Variants in GREM1 observed in about 807,000 individuals in gnomAD.
GREM1 encodes gremlin 1, DAN family BMP antagonist.
Under a neutral mutation model 13.1 loss-of-function variants are expected in GREM1, and 6 were observed. That is an observed-to-expected ratio of 0.46 (90% CI 0.25 to 0.91). GREM1 has a LOEUF of 0.91. Ranked by LOEUF, GREM1 falls within the 40% of genes least tolerant of loss-of-function variation. GREM1 has a pLI of 0.18. For missense variants in GREM1, 185 were observed against 233.9 expected, an observed-to-expected ratio of 0.79 and a Z score of 1.36; for synonymous variants, 98 against 93.7, an observed-to-expected ratio of 1.05 and a Z score of -0.27.
chr15:32,727,676 A>G (rs548827476), intron 1 of GREM1, among the ~76,000 whole-genome samples: 15 of 152,316 alleles, frequency 9.8e-5, no homozygotes, highest in African/African-American at 3.6e-4. Flanking sequence ...AAGGGTATTC[A>G]AATAGGAAGA....
In GREM1 at chr15:32,731,323, C is replaced by G; in HGVS notation, c.*78C>G. ...CAGACCTAAAACAACCAGATTCTTA[C>G]TTGGCTTAAACCTAGAGGCCAGAAG... On this transcript the variant is annotated 3_prime_UTR_variant, in exon 2 of 2. Transcript: ENST00000651154. 8.2e-7 allele frequency: 1 copy of G among 1,214,528 alleles called. No individual in the cohort carries two copies. Among genetic ancestry groups the G allele is most frequent in the Non-Finnish European group, 1.2e-6 (1 of 850,414 alleles). 75.2% of individuals were successfully genotyped at this position (1,214,528 alleles called of 1,614,324 possible). A position where few individuals can be genotyped will look rare whatever the true frequency, so the allele number is the denominator to read the frequency against.
At position 32,738,113 on chromosome 15, in the gene GREM1, A is replaced by G. The variant is rs1303683392; in HGVS notation, c.*6868A>G. 3.1e-5 allele frequency: 4 copies of G among 127,848 alleles called. 1 individual carries two copies. The highest frequency in any genetic ancestry group is 6.5e-5 in the Non-Finnish European group (4 of 61,838). The allele number at this position is 127,848 out of a possible 1,614,324, so 7.9% of individuals were successfully genotyped here. A position where few individuals can be genotyped will look rare whatever the true frequency, so the allele number is the denominator to read the frequency against. On this transcript the variant is annotated 3_prime_UTR_variant, in exon 2 of 2. Transcript: ENST00000651154. ...AAAAAAAAAAAAAAAAAAAAAAAAA[A>G]AAAAAAAAAAAAAAAAAAAAGAAAA... is the stretch of plus-strand genomic sequence containing the variant.
intron 1 of GREM1, among the ~76,000 whole-genome samples, chr15:32,726,017 C>A (rs1315526055): frequency 6.6e-6 from 1 of 152,138 alleles, no homozygotes; most frequent in Non-Finnish European, 1.5e-5. Context: ...GATACCAGTA[C>A]CGTGCTGTTT....
chr15:32,737,742 C>A lies in GREM1; in HGVS notation c.*6497C>A, dbSNP rs915268772. 3 of 151,766 alleles carry A rather than the reference C, an allele frequency of 2.0e-5. No individual in the cohort carries two copies. The highest frequency in any genetic ancestry group is 2.0e-4 in the Admixed American group (3 of 15,248). 9.4% of individuals were successfully genotyped at this position (151,766 alleles called of 1,614,324 possible). A position where few individuals can be genotyped will look rare whatever the true frequency, so the allele number is the denominator to read the frequency against. On this transcript the variant is annotated 3_prime_UTR_variant, in exon 2 of 2. Coordinates refer to ENST00000651154, the MANE Select transcript of GREM1 (RefSeq NM_013372.7). ...AGGAGTTCGAGACCAACCTGACCAA[C>A]ATGGAGAAACCCTGTATCTACTAAA...
chr15:32,719,732 C>G (rs2140665591), intron 1 of GREM1, among the ~76,000 whole-genome samples: 1 of 152,204 alleles, frequency 6.6e-6, no homozygotes, highest in African/African-American at 2.4e-5. Context: ...CCCAGGGACC[C>G]CAGAGTAGTG....
At position 32,741,494 on chromosome 15, in the gene GREM1, A is replaced by G. The variant is rs541400910; in HGVS notation, c.*10249A>G. On this transcript the variant is annotated 3_prime_UTR_variant, in exon 2 of 2. Coordinates refer to ENST00000651154, the MANE Select transcript of GREM1 (RefSeq NM_013372.7). ...GTTTAAGATAGTTCATCGTTGGTAT[A>G]GAAATGCCATTGATTTTTGTATGTT... 3 of 151,858 alleles carry G rather than the reference A, an allele frequency of 2.0e-5. No individual in the cohort carries two copies. Among genetic ancestry groups the G allele is most frequent in the Non-Finnish European group, 4.4e-5 (3 of 67,988 alleles). The allele number at this position is 151,858 out of a possible 1,614,324, so 9.4% of individuals were successfully genotyped here.
chr15:32,722,714 G>C (rs1595845289), intron 1 of GREM1, among the ~76,000 whole-genome samples: 1 of 152,198 alleles, frequency 6.6e-6, no homozygotes, highest in South Asian at 2.1e-4. Context: ...AAAGCATGCT[G>C]TAGAGAGGAC....
At position 32,737,943 on chromosome 15, in the gene GREM1, A is replaced by AAAAAG. The variant is rs1478518363; in HGVS notation, c.*6700_*6701insAAGAA. On this transcript the variant is annotated 3_prime_UTR_variant, in exon 2 of 2. Transcript: ENST00000651154. Reference sequence around the variant, plus strand: ...AACTCTGTCTCAAAAAAAAAAAAAAAAAGAAAAGAAAAACCCACAGCTAAC... The same window carrying AAAAAG: ...AACTCTGTCTCAAAAAAAAAAAAAAAAAAAGAAGAAAAGAAAAACCCACAGCTAAC... 7.0e-6 allele frequency: 1 copy of AAAAAG among 142,412 alleles called. No homozygotes were observed. Among genetic ancestry groups the AAAAAG allele is most frequent in the East Asian group, 3.1e-4 (1 of 3,250 alleles). The allele number at this position is 142,412 out of a possible 1,614,324, so 8.8% of individuals were successfully genotyped here. A position where few individuals can be genotyped will look rare whatever the true frequency, so the allele number is the denominator to read the frequency against.
chr15:32,744,006 GC>G lies in GREM1; in HGVS notation c.*12763del. ...GGATTGACAGCCATGACAGCACAGT[GC>G]CTTTCATGACTTACTCTCCAAAGTT... On this transcript the variant is annotated 3_prime_UTR_variant, in exon 2 of 2. Coordinates refer to ENST00000651154, the MANE Select transcript of GREM1 (RefSeq NM_013372.7). The G allele has an allele frequency of 6.6e-6, 1 of 152,206 alleles. No individual in the cohort carries two copies. The highest frequency in any genetic ancestry group is 2.1e-4 in the South Asian group (1 of 4,818). The allele number at this position is 152,206 out of a possible 1,614,324, so 9.4% of individuals were successfully genotyped here. A position where few individuals can be genotyped will look rare whatever the true frequency, so the allele number is the denominator to read the frequency against.
chr15:32,725,426 A>T (rs988742301), intron 1 of GREM1, among the ~76,000 whole-genome samples: 2 of 152,152 alleles, frequency 1.3e-5, no homozygotes, highest in African/African-American at 4.8e-5. Flanking sequence ...TGGCCCCATA[A>T]ATGTCTTCTT....
intron 1 of GREM1, among the ~76,000 whole-genome samples, chr15:32,729,872 G>A (rs1373198536): frequency 6.6e-6 from 1 of 152,140 alleles, no homozygotes; most frequent in Non-Finnish European, 1.5e-5. Context: ...TTGAGTATCT[G>A]TGCCCAGTTT....
rs1193472452 is a variant in GREM1, at chr15:32,740,538, A to ATT, written c.*9294_*9295dup. The stretch of plus-strand genomic sequence containing the variant: ...ACTTGAAGACAGGTCATTGGAAATA[A>ATT]TTCAGTTAGAGGAGAAATTAAAATG... On this transcript the variant is annotated 3_prime_UTR_variant, in exon 2 of 2. Transcript: ENST00000651154. The ATT allele has an allele frequency of 6.6e-6, 1 of 152,204 alleles. No individual in the cohort carries two copies. The highest frequency in any genetic ancestry group is 2.4e-5 in the African/African-American group (1 of 41,450). The allele number at this position is 152,204 out of a possible 1,614,324, so 9.4% of individuals were successfully genotyped here.
Position 32,741,748 on chromosome 15 carries a change from C to T in GREM1, c.*10503C>T, listed in dbSNP as rs571002616. The T allele has an allele frequency of 8.5e-5, 13 of 152,220 alleles. No homozygotes were observed. In the South Asian group the frequency reaches 2.7e-3, roughly 32 times the overall value. The allele number at this position is 152,220 out of a possible 1,614,324, so 9.4% of individuals were successfully genotyped here. A position where few individuals can be genotyped will look rare whatever the true frequency, so the allele number is the denominator to read the frequency against. On this transcript the variant is annotated 3_prime_UTR_variant, in exon 2 of 2. Coordinates refer to ENST00000651154, the MANE Select transcript of GREM1 (RefSeq NM_013372.7). ...GAGAGTGGGCATGTATGCCTTGTTT[C>T]TGGTCTTAAAGAAAAACATTTCAGT...
Position 32,722,226 on chromosome 15 carries a change from A to G in GREM1, c.-2+4065A>G, listed in dbSNP as rs182830750. On this transcript the variant is annotated intron_variant, in intron 1 of 1. Transcript: ENST00000651154. The stretch of plus-strand genomic sequence containing the variant: ...GTTTTCCCAAAGATTTAGACCTGAG[A>G]AAAAGGAATAGATCTTTCTAAAACC... 2.2e-3 allele frequency among the ~76,000 whole-genome samples: 336 copies of G among 152,372 alleles called. 2 individuals are homozygous for G. The highest frequency in any genetic ancestry group is 6.9e-3 in the African/African-American group (286 of 41,588).
chr15:32,744,292 G>A lies in GREM1; in HGVS notation c.*13047G>A, dbSNP rs1462485366. On this transcript the variant is annotated 3_prime_UTR_variant, in exon 2 of 2. Coordinates refer to ENST00000651154, the MANE Select transcript of GREM1 (RefSeq NM_013372.7). ...GAGTCATTAAGAAAGTTTCAGACAG[G>A]GCTGGGCGCGGTGGCTCACACCTGT... The A allele has an allele frequency of 6.6e-6, 1 of 152,102 alleles. No individual in the cohort carries two copies. The highest frequency in any genetic ancestry group is 1.9e-4 in the East Asian group (1 of 5,180). The allele number at this position is 152,102 out of a possible 1,614,324, so 9.4% of individuals were successfully genotyped here.
chr15:32,723,895 A>T (rs1274946947), intron 1 of GREM1, among the ~76,000 whole-genome samples: 1 of 152,220 alleles, frequency 6.6e-6, no homozygotes, highest in Non-Finnish European at 1.5e-5. Flanking sequence ...AGTCTTAGGA[A>T]GCTCTCTAGG....
chr15:32,742,817 A>T lies in GREM1; in HGVS notation c.*11572A>T, dbSNP rs1258981415. ...ACAAATGGTGTTGGGAAAACTGAAT[A>T]TCCACATGCAAAAGAATAAAATTGG... On this transcript the variant is annotated 3_prime_UTR_variant, in exon 2 of 2. Coordinates refer to ENST00000651154, the MANE Select transcript of GREM1 (RefSeq NM_013372.7). The T allele has an allele frequency of 6.6e-6, 1 of 152,228 alleles. No individual in the cohort carries two copies. Among genetic ancestry groups the T allele is most frequent in the African/African-American group, 2.4e-5 (1 of 41,468 alleles). The allele number at this position is 152,228 out of a possible 1,614,324, so 9.4% of individuals were successfully genotyped here. A position where few individuals can be genotyped will look rare whatever the true frequency, so the allele number is the denominator to read the frequency against.
At chr15:32,724,730 C>T (rs574862485) in intron 1 of GREM1, among the ~76,000 whole-genome samples, 20 of 151,780 alleles carry the variant, frequency 1.3e-4, no homozygotes, top group Non-Finnish European at 2.5e-4. Flanking sequence ...TGGTGGTTTG[C>T]TGCACCCATC....
At chr15:32,727,585 C>T (rs186925349) in intron 1 of GREM1, among the ~76,000 whole-genome samples, 1 of 152,224 alleles carries the variant, frequency 6.6e-6, no homozygotes, top group African/African-American at 2.4e-5. Flanking sequence ...AAAACCGCCA[C>T]AAGGATGACT....
Sources: allele counts gnomAD v4.1 joint callset (sites outside exome capture counted in the v4.1 genomes callset), GRCh38; gene constraint gnomAD v4.1.1; transcripts MANE v1.5; gene names NCBI Gene and HGNC (gene_info 2026-07-23, HGNC 2026-07-21).